Variants in DPYSL5 observed in about 807,000 individuals in gnomAD.
DPYSL5 encodes dihydropyrimidinase like 5.
DPYSL5 carries 9 observed loss-of-function variants against 58.4 expected under a neutral mutation model. That is an observed-to-expected ratio of 0.15 (90% CI 0.09 to 0.27). The LOEUF (loss-of-function observed/expected upper bound fraction) is 0.27, where lower values mean the gene tolerates loss of function less well. Ranked by LOEUF, DPYSL5 falls within the 10% of genes least tolerant of loss-of-function variation. DPYSL5 has a pLI of 1.00. For missense variants in DPYSL5, 499 were observed against 770.6 expected, an observed-to-expected ratio of 0.65 and a Z score of 4.17; for synonymous variants, 293 against 301.9, an observed-to-expected ratio of 0.97 and a Z score of 0.31.
At chr2:26,863,527 C>T (rs1049005190) in intron 1 of DPYSL5, among the ~76,000 whole-genome samples, 3 of 152,214 alleles carry the variant, frequency 2.0e-5, no homozygotes, top group African/African-American at 7.2e-5. Flanking sequence ...ATCTTTGAAG[C>T]CTGCTTGAAC....
chr2:26,938,669 A>C (rs138507514), intron 8 of DPYSL5: 1 of 152,354 alleles, frequency 6.6e-6, no homozygotes, highest in East Asian at 1.9e-4. Flanking sequence ...GAGCCTTAAG[A>C]ATATGCTTCC....
intron 1 of DPYSL5, among the ~76,000 whole-genome samples, chr2:26,863,414 A>G (rs555394033): frequency 1.3e-5 from 2 of 152,272 alleles, no homozygotes; most frequent in African/African-American, 4.8e-5. Context: ...TTCCTTTCCT[A>G]TCACTGCTTC....
intron 1 of DPYSL5, among the ~76,000 whole-genome samples, chr2:26,868,478 T>C (rs1370150622): frequency 6.6e-6 from 1 of 152,224 alleles, no homozygotes; most frequent in Non-Finnish European, 1.5e-5. Context: ...GTTTTACATT[T>C]AAATAAATTC....
chr2:26,895,775 CTTTT>C (rs869030530), intron 1 of DPYSL5, among the ~76,000 whole-genome samples: 1 of 101,080 alleles, frequency 9.9e-6, no homozygotes, highest in Non-Finnish European at 2.0e-5. Flanking sequence ...ATTTCTTTTT[CTTTT>C]TTTTTTTTTT....
chr2:26,874,500 C>T (rs1020787985), intron 1 of DPYSL5, among the ~76,000 whole-genome samples: 1 of 152,150 alleles, frequency 6.6e-6, no homozygotes, highest in Admixed American at 6.5e-5. Context: ...TACCTTGGTA[C>T]GTTTGTCAAA....
intron 1 of DPYSL5, among the ~76,000 whole-genome samples, chr2:26,878,273 A>G (rs1663463317): frequency 1.3e-5 from 2 of 152,164 alleles, no homozygotes; most frequent in African/African-American, 2.4e-5. Flanking sequence ...TCATTTGCCT[A>G]TTAGCTATTT....
At chr2:26,910,256 G>A (rs1664399348) in intron 2 of DPYSL5, among the ~76,000 whole-genome samples, 1 of 152,210 alleles carries the variant, frequency 6.6e-6, no homozygotes. Flanking sequence ...CCCGGAAGTG[G>A]AATGTGTCTG....
intron 2 of DPYSL5, among the ~76,000 whole-genome samples, chr2:26,910,699 C>A (rs1343472191): frequency 1.3e-5 from 2 of 148,404 alleles, no homozygotes; most frequent in Admixed American, 1.4e-4. Context: ...AGTTGATCTG[C>A]CCGCCCCAGC....
chr2:26,911,114 A>G lies in DPYSL5; in HGVS notation c.261+12354A>G, dbSNP rs139208194. On this transcript the variant is annotated intron_variant, in intron 2 of 12. Transcript: ENST00000288699. ...TTTTTTTTTTGCAAATGGCTATCCA[A>G]TTGTTCCAGAGCCATTTGTTGAAAA... Among the ~76,000 whole-genome samples, 320 of 141,636 alleles carry G rather than the reference A, an allele frequency of 2.3e-3. 1 individual carries two copies. The highest frequency in any genetic ancestry group is 8.2e-3 in the African/African-American group (310 of 38,034). 92.9% of individuals were successfully genotyped at this position (141,636 alleles called of 152,430 possible).
chr2:26,908,998 C>T (rs1325233133), intron 2 of DPYSL5, among the ~76,000 whole-genome samples: 5 of 152,230 alleles, frequency 3.3e-5, no homozygotes, highest in African/African-American at 1.2e-4. Flanking sequence ...TCCCAAACCT[C>T]ACAGAGGTTA....
rs534519746 is a variant in DPYSL5 at position 26,949,137 on chromosome 2, A to G, written c.*2142A>G. 1 of 152,298 alleles carries G rather than the reference A, an allele frequency of 6.6e-6. No homozygotes were observed. The highest frequency in any genetic ancestry group is 1.9e-4 in the East Asian group (1 of 5,180). The allele number at this position is 152,298 out of a possible 1,614,324, so 9.4% of individuals were successfully genotyped here. ...TAGATCCCACCTGAGAGTTTAACCA[A>G]TGAGAAGACTTACTTTCCTGGTAGG... On this transcript the variant is annotated 3_prime_UTR_variant, in exon 13 of 13. Transcript: ENST00000288699.
At chr2:26,893,262 T>C (rs1663933170) in intron 1 of DPYSL5, among the ~76,000 whole-genome samples, 1 of 152,198 alleles carries the variant, frequency 6.6e-6, no homozygotes, top group Admixed American at 6.5e-5. Flanking sequence ...TCCATGCACT[T>C]GAGCCTGGCC....
intron 8 of DPYSL5, chr2:26,939,802 A>G (rs1038540329): frequency 3.8e-6 from 2 of 519,740 alleles, no homozygotes; most frequent in African/African-American, 3.8e-5. Flanking sequence ...CTCTCACTGA[A>G]GTCTCCTGTG....
intron 2 of DPYSL5, among the ~76,000 whole-genome samples, chr2:26,906,126 G>GTCTCTCTCCTGTTTCAAA (rs1664281468): frequency 6.6e-6 from 1 of 151,546 alleles, no homozygotes; most frequent in African/African-American, 2.4e-5. Flanking sequence ...CTCACCTCAA[G>GTCTCTCTCCTGTTTCAAA]TCTCTCTCCT....
chr2:26,854,214 T>A (rs1665822945), intron 1 of DPYSL5, among the ~76,000 whole-genome samples: 1 of 151,962 alleles, frequency 6.6e-6, no homozygotes. Flanking sequence ...ATCCCAGCAT[T>A]TTGGGAGGTC....
chr2:26,878,513 A>AT (rs1258240246), intron 1 of DPYSL5, among the ~76,000 whole-genome samples: 2 of 152,116 alleles, frequency 1.3e-5, no homozygotes, highest in Non-Finnish European at 2.9e-5. Context: ...AATTACTCTG[A>AT]TTTTTTATGG....
chr2:26,866,732 C>CTT (rs1298358466), intron 1 of DPYSL5, among the ~76,000 whole-genome samples: 46 of 132,894 alleles, frequency 3.5e-4, no homozygotes, highest in African/African-American at 1.2e-3. Flanking sequence ...AATTCTTCTT[C>CTT]TTTTTTTTTT....
intron 6 of DPYSL5, among the ~76,000 whole-genome samples, chr2:26,932,193 A>AAG (rs1205086272): frequency 1.4e-5 from 1 of 72,674 alleles, no homozygotes; most frequent in African/African-American, 4.8e-5. Context: ...GAAAGAAAGA[A>AAG]AGAAAGAAAG....
chr2:26,882,702 A>T (rs1174555746), intron 1 of DPYSL5, among the ~76,000 whole-genome samples: 1 of 152,086 alleles, frequency 6.6e-6, no homozygotes, highest in East Asian at 1.9e-4. Flanking sequence ...GGAGTTCAAG[A>T]CTAGCCTGGG....
Sources: gnomAD v4.1 joint callset for allele counts (sites outside exome capture counted in the v4.1 genomes callset) on GRCh38, gnomAD v4.1.1 for gene constraint, MANE v1.5 for transcripts, NCBI Gene and HGNC (gene_info 2026-07-23, HGNC 2026-07-21) for gene names.